The following SMYD3 variants were observed in gnomAD, a reference collection of about 807,000 sequenced individuals.
The protein encoded by SMYD3 is histone-lysine N-methyltransferase SMYD3.
Under a neutral mutation model 57.7 loss-of-function variants are expected in SMYD3, and 36 were observed. The ratio of observed to expected loss-of-function variants is 0.62; its 90% confidence interval spans 0.48 to 0.82. The LOEUF (loss-of-function observed/expected upper bound fraction) is 0.82. Among genes scored for constraint, SMYD3 ranks in the 40% least tolerant of loss-of-function variants. SMYD3 has a pLI of 0.00. For missense variants in SMYD3, 515 were observed against 538.8 expected, an observed-to-expected ratio of 0.96 and a Z score of 0.44; for synonymous variants, 211 against 195.0, an observed-to-expected ratio of 1.08 and a Z score of -0.68.
intron 10 of SMYD3, among the ~76,000 whole-genome samples, chr1:245,806,509 C>A (rs2048149357): frequency 6.6e-6 from 1 of 152,170 alleles, no homozygotes; most frequent in African/African-American, 2.4e-5. Flanking sequence ...GCCTCCGATA[C>A]CTGAACCCTT....
chr1:246,197,015 A>C (rs180713819), intron 5 of SMYD3, among the ~76,000 whole-genome samples: 1 of 152,158 alleles, frequency 6.6e-6, no homozygotes. Flanking sequence ...ACAACTCTGC[A>C]ATGATGAGGA....
At chr1:245,783,716 C>T (rs1049572564) in intron 10 of SMYD3, among the ~76,000 whole-genome samples, 4 of 152,080 alleles carry the variant, frequency 2.6e-5, no homozygotes, top group East Asian at 3.8e-4. Context: ...ACTCAACCCA[C>T]GTAAATTAAT....
chr1:246,240,060 A>T (rs1003237801), intron 5 of SMYD3, among the ~76,000 whole-genome samples: 2 of 152,160 alleles, frequency 1.3e-5, no homozygotes, highest in Non-Finnish European at 2.9e-5. Context: ...CTCTGATAGT[A>T]GGTTCTTTTG....
intron 10 of SMYD3, among the ~76,000 whole-genome samples, chr1:245,824,612 T>G (rs1036936347): frequency 6.6e-6 from 1 of 152,064 alleles, no homozygotes; most frequent in Non-Finnish European, 1.5e-5. Flanking sequence ...TCCCAGCACT[T>G]TGGGACGTCA....
At chr1:246,504,512 C>G (rs537625613) in intron 1 of SMYD3, among the ~76,000 whole-genome samples, 1 of 152,316 alleles carries the variant, frequency 6.6e-6, no homozygotes, top group Admixed American at 6.5e-5. Context: ...TATAATCATA[C>G]AGGGCCACTG....
intron 8 of SMYD3, among the ~76,000 whole-genome samples, chr1:245,885,223 A>T (rs963726687): frequency 6.6e-6 from 1 of 152,186 alleles, no homozygotes; most frequent in Non-Finnish European, 1.5e-5. Context: ...CTGAAGGAAT[A>T]AACTCCAGAC....
At chr1:246,469,251 G>A (rs749852180) in intron 1 of SMYD3, among the ~76,000 whole-genome samples, 2 of 152,108 alleles carry the variant, frequency 1.3e-5, no homozygotes, top group African/African-American at 2.4e-5. Flanking sequence ...TCTCACCAAC[G>A]ACTTCTTCAA....
chr1:246,361,514 T>C (rs2065986402), intron 1 of SMYD3, among the ~76,000 whole-genome samples: 1 of 152,148 alleles, frequency 6.6e-6, no homozygotes, highest in Non-Finnish European at 1.5e-5. Context: ...AGCAGCACAA[T>C]TTGCAATTGC....
chr1:246,305,539 T>C (rs1295301897), intron 5 of SMYD3, among the ~76,000 whole-genome samples: 1 of 152,050 alleles, frequency 6.6e-6, no homozygotes, highest in South Asian at 2.1e-4. Context: ...AAAATGAATA[T>C]TAAAGAGGGA....
At chr1:246,233,347 C>T (rs78660226) in intron 5 of SMYD3, among the ~76,000 whole-genome samples, 19 of 101,254 alleles carry the variant, frequency 1.9e-4, no homozygotes, top group Middle Eastern at 6.0e-3. Flanking sequence ...GAAGCGCTCC[C>T]CAATTCACAC....
At chr1:246,046,857 C>T (rs2059975912) in intron 5 of SMYD3, among the ~76,000 whole-genome samples, 1 of 151,036 alleles carries the variant, frequency 6.6e-6, no homozygotes, top group African/African-American at 2.4e-5. Flanking sequence ...TTTCTCTGTA[C>T]CAGAGATAAA....
intron 5 of SMYD3, among the ~76,000 whole-genome samples, chr1:246,009,740 C>T (rs2059244139): frequency 6.6e-6 from 1 of 150,638 alleles, no homozygotes; most frequent in Admixed American, 6.6e-5. Flanking sequence ...TGTTGTGACC[C>T]CAGGCAGAGT....
At chr1:246,152,960 G>C (rs2061965566) in intron 5 of SMYD3, among the ~76,000 whole-genome samples, 1 of 152,166 alleles carries the variant, frequency 6.6e-6, no homozygotes. Flanking sequence ...ACACTAGGCT[G>C]CTAAGCTTTG....
chr1:246,215,762 C>CT lies in SMYD3; in HGVS notation c.531+111438dup, dbSNP rs1231798330. ...GTTACGTAAAGCCAATGTCACTTTC[C>CT]TTTTTTAAAGGAAGCCCTGGGGTGT... On this transcript the variant is annotated intron_variant, in intron 5 of 11. Coordinates refer to ENST00000490107, the MANE Select transcript of SMYD3 (RefSeq NM_001167740.2). Among the ~76,000 whole-genome samples the CT allele has an allele frequency of 1.4e-4, 21 of 152,084 alleles. No individual in the cohort carries two copies. The East Asian group carries it at 4.1e-3, about 29-fold the overall frequency.
chr1:246,325,597 A>G (rs1212310510), intron 5 of SMYD3, among the ~76,000 whole-genome samples: 1 of 152,144 alleles, frequency 6.6e-6, no homozygotes, highest in Non-Finnish European at 1.5e-5. Context: ...CCTATACAAC[A>G]TGGAGATAAT....
chr1:246,495,226 G>A (rs1182369052), intron 1 of SMYD3, among the ~76,000 whole-genome samples: 2 of 151,844 alleles, frequency 1.3e-5, no homozygotes, highest in African/African-American at 4.8e-5. Flanking sequence ...GCGGGCGCCT[G>A]TAGTCCCAGC....
chr1:246,271,465 GA>G (rs1238190626), intron 5 of SMYD3, among the ~76,000 whole-genome samples: 1 of 152,052 alleles, frequency 6.6e-6, no homozygotes, highest in Non-Finnish European at 1.5e-5. Flanking sequence ...ATTTTGAGTT[GA>G]TTTTTGTATA....
intron 5 of SMYD3, among the ~76,000 whole-genome samples, chr1:246,044,164 GA>G (rs778527703): frequency 6.6e-5 from 10 of 152,098 alleles, no homozygotes; most frequent in Admixed American, 3.3e-4. Flanking sequence ...AGACCAACTT[GA>G]ACTGATTCAC....
intron 5 of SMYD3, among the ~76,000 whole-genome samples, chr1:245,986,000 T>G (rs1164968256): frequency 6.6e-6 from 1 of 152,122 alleles, no homozygotes; most frequent in Non-Finnish European, 1.5e-5. Flanking sequence ...GGAGCCCTAC[T>G]AAAAAGTACT....
Sources: gnomAD v4.1 joint callset for allele counts (sites outside exome capture counted in the v4.1 genomes callset) on GRCh38, gnomAD v4.1.1 for gene constraint, MANE v1.5 for transcripts, NCBI Gene and HGNC (gene_info 2026-07-23, HGNC 2026-07-21) for gene names.